Variants in MARCHF1 observed in about 807,000 individuals in gnomAD.
MARCHF1 encodes the protein E3 ubiquitin-protein ligase MARCHF1.
MARCHF1 carries 40 observed loss-of-function variants against 54.2 expected under a neutral mutation model. The observed-to-expected ratio is 0.74, with a 90% CI of 0.57 to 0.96. The LOEUF is 0.96. Ranked by LOEUF, MARCHF1 falls within the 40% of genes least tolerant of loss-of-function variation. The probability of loss-of-function intolerance (pLI) is 0.00; values close to 1 mark genes in which losing one functional copy is unlikely to be tolerated. For synonymous variants in MARCHF1, 236 were observed against 236.3 expected, an observed-to-expected ratio of 1.00 and a Z score of 0.01; for missense variants, 586 against 656.5, an observed-to-expected ratio of 0.89 and a Z score of 1.17.
chr4:164,006,768 T>TC (rs1481129331), intron 2 of MARCHF1, among the ~76,000 whole-genome samples: 3 of 151,866 alleles, frequency 2.0e-5, no homozygotes, highest in Non-Finnish European at 2.9e-5. Flanking sequence ...CTCCAATTTT[T>TC]CTGGAGACTT....
chr4:164,184,783 A>G (rs1239024683), intron 1 of MARCHF1, among the ~76,000 whole-genome samples: 1 of 152,226 alleles, frequency 6.6e-6, no homozygotes, highest in African/African-American at 2.4e-5. Flanking sequence ...TCAGCTAGCC[A>G]TAATGCCTAA....
chr4:163,912,105 A>C (rs1236898178), intron 3 of MARCHF1, among the ~76,000 whole-genome samples: 4 of 151,004 alleles, frequency 2.6e-5, no homozygotes, highest in African/African-American at 4.9e-5. Flanking sequence ...TAGACATCAC[A>C]TCTGCAATCC....
intron 1 of MARCHF1, among the ~76,000 whole-genome samples, chr4:164,145,428 A>G (rs1490772526): frequency 6.6e-6 from 1 of 152,090 alleles, no homozygotes; most frequent in Non-Finnish European, 1.5e-5. Context: ...CCTCAGTATA[A>G]TACTGGCAAA....
chr4:164,155,275 C>T (rs747379709), intron 1 of MARCHF1, among the ~76,000 whole-genome samples: 2 of 151,918 alleles, frequency 1.3e-5, no homozygotes, highest in Non-Finnish European at 1.5e-5. Context: ...TCCCTGTCTC[C>T]TGTCCATATC....
At chr4:164,047,478 G>A (rs986837497) in intron 2 of MARCHF1, among the ~76,000 whole-genome samples, 2 of 152,180 alleles carry the variant, frequency 1.3e-5, no homozygotes, top group African/African-American at 2.4e-5. Context: ...AATGGGTGTT[G>A]TTTAATCTAT....
At chr4:163,925,942 T>C (rs1417915501) in intron 3 of MARCHF1, among the ~76,000 whole-genome samples, 2 of 151,744 alleles carry the variant, frequency 1.3e-5, no homozygotes, top group African/African-American at 4.8e-5. Context: ...CCAGGAAGTA[T>C]TTAGTTGCAA....
At chr4:163,869,469 C>T (rs1041848482) in intron 3 of MARCHF1, among the ~76,000 whole-genome samples, 1 of 152,014 alleles carries the variant, frequency 6.6e-6, no homozygotes. Flanking sequence ...GACTGCAATT[C>T]CAGAACAGGT....
chr4:164,285,546 C>T (rs1734123003), intron 1 of MARCHF1, among the ~76,000 whole-genome samples: 1 of 151,952 alleles, frequency 6.6e-6, no homozygotes, highest in African/African-American at 2.4e-5. Flanking sequence ...GAGTTCACGC[C>T]ATTTTCCTGC....
intron 3 of MARCHF1, among the ~76,000 whole-genome samples, chr4:163,869,071 T>A (rs534325691): frequency 3.3e-5 from 5 of 151,868 alleles, no homozygotes; most frequent in African/African-American, 9.7e-5. Context: ...AACAATAGCC[T>A]AGAATAAGTA....
intron 4 of MARCHF1, among the ~76,000 whole-genome samples, chr4:163,833,166 G>A (rs62347947): frequency 0.04 from 6,158 of 152,120 alleles, 124 homozygotes; most frequent in Middle Eastern, 0.051. Context: ...GAATCGCCAC[G>A]CTGACTTCCA....
At position 164,329,237 on chromosome 4, in the gene MARCHF1, C is replaced by T. The variant is rs112221000; in HGVS notation, c.-323+54633G>A. On this transcript the variant is annotated intron_variant, in intron 1 of 9. Transcript: ENST00000514618. ...CCTTGACCTCCACGACAACCTTTTA[C>T]TTATGGAAACTGTGACATCTGGTTC... 5.4e-3 allele frequency among the ~76,000 whole-genome samples: 825 copies of T among 152,314 alleles called. 4 individuals carry two copies. The highest frequency in any genetic ancestry group is 8.6e-3 in the Non-Finnish European group (586 of 68,020).
rs1013496355 is a variant in MARCHF1 at position 163,642,047 on chromosome 4, C to T, written c.163-28654G>A. Reference sequence around the variant, plus strand: ...TAATGCTGCCTCATTCTTCAGTGATCGTATTGTTTAGGCAAAATTCCTGAT... The same window carrying T: ...TAATGCTGCCTCATTCTTCAGTGATTGTATTGTTTAGGCAAAATTCCTGAT... On this transcript the variant is annotated intron_variant, in intron 5 of 9. Coordinates refer to ENST00000514618, the MANE Select transcript of MARCHF1 (RefSeq NM_001394959.1). Among the ~76,000 whole-genome samples, 11 of 152,280 alleles carry T rather than the reference C, an allele frequency of 7.2e-5. No individual in the cohort carries two copies. The East Asian group carries it at 1.7e-3, about 24-fold the overall frequency.
chr4:163,694,327 T>C (rs1258708670), intron 5 of MARCHF1, among the ~76,000 whole-genome samples: 1 of 152,156 alleles, frequency 6.6e-6, no homozygotes, highest in African/African-American at 2.4e-5. Flanking sequence ...ACTACTGCAA[T>C]TCTCTTTGGA....
chr4:164,217,083 T>C (rs985323924), intron 1 of MARCHF1, among the ~76,000 whole-genome samples: 13 of 152,196 alleles, frequency 8.5e-5, no homozygotes, highest in Non-Finnish European at 1.9e-4. Context: ...TCACTCTTAT[T>C]TACTAGAGAT....
intron 3 of MARCHF1, among the ~76,000 whole-genome samples, chr4:163,893,964 T>G (rs1366570471): frequency 2.6e-5 from 4 of 152,204 alleles, no homozygotes; most frequent in African/African-American, 9.6e-5. Flanking sequence ...ACTGGTGAAA[T>G]AGCATAGGAA....
At chr4:163,876,996 C>T (rs1006720410) in intron 3 of MARCHF1, among the ~76,000 whole-genome samples, 8 of 152,022 alleles carry the variant, frequency 5.3e-5, no homozygotes, top group African/African-American at 1.9e-4. Flanking sequence ...AATTATATTA[C>T]AACATTATTT....
At chr4:163,773,796 T>C (rs984211841) in intron 4 of MARCHF1, among the ~76,000 whole-genome samples, 1 of 152,196 alleles carries the variant, frequency 6.6e-6, no homozygotes, top group Admixed American at 6.5e-5. Flanking sequence ...TAAAAGCCTA[T>C]AATCTGATAA....
At chr4:163,545,369 T>C (rs1206303233) in intron 9 of MARCHF1, among the ~76,000 whole-genome samples, 1 of 152,242 alleles carries the variant, frequency 6.6e-6, no homozygotes, top group Non-Finnish European at 1.5e-5. Flanking sequence ...CTAAGTTTTA[T>C]ATGGATTTGA....
intron 4 of MARCHF1, among the ~76,000 whole-genome samples, chr4:163,738,469 T>G (rs546825724): frequency 4.6e-5 from 7 of 152,220 alleles, no homozygotes; most frequent in Non-Finnish European, 8.8e-5. Context: ...TCTTAGGTGA[T>G]ATGACATGTG....
Sources: allele counts gnomAD v4.1 joint callset (sites outside exome capture counted in the v4.1 genomes callset), GRCh38; gene constraint gnomAD v4.1.1; transcripts MANE v1.5; gene names NCBI Gene and HGNC (gene_info 2026-07-23, HGNC 2026-07-21).